The following RNFT1 variants were observed in gnomAD, a reference collection of about 807,000 sequenced individuals.
RNFT1 encodes the protein E3 ubiquitin-protein ligase RNFT1.
RNFT1 carries 35 observed loss-of-function variants against 53.2 expected under a neutral mutation model. The observed-to-expected ratio is 0.66, with a 90% CI of 0.50 to 0.87. The LOEUF (loss-of-function observed/expected upper bound fraction) is 0.87. Among genes scored for constraint, RNFT1 ranks in the 40% least tolerant of loss-of-function variants. RNFT1 has a pLI of 0.00. For missense variants in RNFT1, 421 were observed against 515.0 expected, an observed-to-expected ratio of 0.82 and a Z score of 1.77; for synonymous variants, 141 against 172.8, an observed-to-expected ratio of 0.82 and a Z score of 1.44.
Position 59,954,118 on chromosome 17 carries a change from T to C in RNFT1, c.1100A>G (p.Gln367Arg). 1 of 1,601,668 alleles carries C rather than the reference T, an allele frequency of 6.2e-7. No individual in the cohort carries two copies. The highest frequency in any genetic ancestry group is 1.1e-5 in the South Asian group (1 of 88,678). ...PSYGVAASKR[Q>R]CSDVDDICSI... ...ACAAATATCATCCACATCTGAACACTGTCTCTTGCTGGCAGCCACTCCATA... is the reference window on the plus strand; with the variant it reads ...ACAAATATCATCCACATCTGAACACCGTCTCTTGCTGGCAGCCACTCCATA... The change falls in exon 8 of 9, where the codon CAG becomes CGG. Residue 367 changes from glutamine to arginine, a missense_variant. By Grantham distance (43) the Gln-to-Arg change is conservative (BLOSUM62 1). Coordinates refer to ENST00000305783, the MANE Select transcript of RNFT1 (RefSeq NM_016125.4).
chr17:59,957,750 C>T (rs1169361861), intron 5 of RNFT1, among the ~76,000 whole-genome samples: 2 of 152,098 alleles, frequency 1.3e-5, no homozygotes, highest in Non-Finnish European at 2.9e-5. Flanking sequence ...GAGGCTGAGG[C>T]AGGAGAACTG....
chr17:59,964,713 G>A lies in RNFT1; in HGVS notation c.-50C>T, dbSNP rs370273345. 1.8e-3 allele frequency: 2,789 copies of A among 1,546,460 alleles called. 5 individuals are homozygous for A. The highest frequency in any genetic ancestry group is 3.6e-3 in the Middle Eastern group (21 of 5,900). ...GGGCCATCAACCGCAAACCCCGCAA[G>A]CTCTTCTCTCAGCCCGGCGGCAACG... On this transcript the variant is annotated 5_prime_UTR_variant, in exon 1 of 9. Coordinates refer to ENST00000305783, the MANE Select transcript of RNFT1 (RefSeq NM_016125.4).
At chr17:59,956,785 C>A (rs182836451) in intron 6 of RNFT1, among the ~76,000 whole-genome samples, 3 of 152,296 alleles carry the variant, frequency 2.0e-5, no homozygotes, top group African/African-American at 7.2e-5. Flanking sequence ...AAGACAAATA[C>A]AACTATGTCA....
At chr17:59,957,150 A>G (rs1418914074) in intron 6 of RNFT1, 74 bp downstream of exon 6, 1 of 1,399,244 alleles carries the variant, frequency 7.1e-7, no homozygotes, top group East Asian at 2.4e-5. Flanking sequence ...AACTGTTAAA[A>G]GAGGAAAACA....
intron 4 of RNFT1, 32 bp from the exon 5 acceptor site, chr17:59,958,476 A>G (rs758820786): frequency 6.2e-6 from 9 of 1,461,104 alleles, no homozygotes; most frequent in South Asian, 3.8e-5. Flanking sequence ...AATTTATCAG[A>G]GCAACATACA....
chr17:59,957,504 T>C (rs2045261604), intron 5 of RNFT1, 122 bp from the exon 6 acceptor site: 7 of 663,588 alleles, frequency 1.1e-5, no homozygotes, highest in Non-Finnish European at 1.6e-5. Context: ...AAAATTAATC[T>C]TCATAATGAT....
At chr17:59,958,142 C>G (rs1047865246) in intron 5 of RNFT1, 149 bp downstream of exon 5, 4 of 710,700 alleles carry the variant, frequency 5.6e-6, no homozygotes, top group Non-Finnish European at 9.0e-6. Flanking sequence ...AGTGCCTGAA[C>G]AAATGGTTGC....
At chr17:59,953,376 T>A (rs1389023062) in intron 8 of RNFT1, among the ~76,000 whole-genome samples, 3 of 152,042 alleles carry the variant, frequency 2.0e-5, no homozygotes, top group Non-Finnish European at 4.4e-5. Flanking sequence ...AGTTTTTTTA[T>A]TTTTAGTAGA....
chr17:59,956,307 T>C (rs2045253882), intron 7 of RNFT1, among the ~76,000 whole-genome samples, 181 bp downstream of exon 7: 1 of 152,172 alleles, frequency 6.6e-6, no homozygotes, highest in African/African-American at 2.4e-5. Context: ...AAGAATCTGA[T>C]CACAGAGATA....
intron 1 of RNFT1, among the ~76,000 whole-genome samples, 175 bp from the exon 2 acceptor site, chr17:59,963,459 C>T (rs749518496): frequency 1.3e-5 from 2 of 151,944 alleles, no homozygotes; most frequent in Non-Finnish European, 2.9e-5. Flanking sequence ...GGCTCTGCTG[C>T]CCTACACAAA....
chr17:59,956,168 G>C (rs187052946), intron 7 of RNFT1, among the ~76,000 whole-genome samples: 1 of 152,058 alleles, frequency 6.6e-6, no homozygotes, highest in Admixed American at 6.5e-5. Context: ...TAAAAAAGAG[G>C]AACACAATTT....
intron 6 of RNFT1, 56 bp downstream of exon 6, chr17:59,957,168 G>T: frequency 6.6e-7 from 1 of 1,510,518 alleles, no homozygotes; most frequent in Non-Finnish European, 9.1e-7. Flanking sequence ...ACAGTAGTAT[G>T]TATCAGTAAT....
chr17:59,958,337 C>G lies in RNFT1; in HGVS notation c.800G>C (p.Cys267Ser), dbSNP rs1255393635. Residue 267 changes from cysteine to serine, a missense_variant, in exon 5 of 9, where the codon TGC becomes TCC. Coordinates refer to ENST00000305783, the MANE Select transcript of RNFT1 (RefSeq NM_016125.4). ...ILKFFFMGLK[C>S]LILLVPSFIM... ...GAAAGAAGGCACCAATAAAATAAGGCATTTTAAGCCCATGAAAAAGAATTT... is the reference window on the plus strand; with the variant it reads ...GAAAGAAGGCACCAATAAAATAAGGGATTTTAAGCCCATGAAAAAGAATTT... The G allele has an allele frequency of 6.3e-7, 1 of 1,599,174 alleles. No individual in the cohort carries two copies. The highest frequency in any genetic ancestry group is 1.4e-5 in the African/African-American group (1 of 73,884).
intron 4 of RNFT1, chr17:59,959,738 C>T (rs1015114461): frequency 3.8e-5 from 6 of 157,416 alleles, no homozygotes; most frequent in Non-Finnish European, 7.0e-5. Context: ...GGTGAAACTC[C>T]GTCTCTATTA....
chr17:59,959,731 G>A, intron 4 of RNFT1: 1 of 157,192 alleles, frequency 6.4e-6, no homozygotes, highest in Non-Finnish European at 1.4e-5. Context: ...CCAACATGGT[G>A]AAACTCCGTC....
chr17:59,958,673 C>A (rs552984486), intron 4 of RNFT1: 1 of 573,154 alleles, frequency 1.7e-6, no homozygotes, highest in East Asian at 4.0e-5. Context: ...AAAGTCTTCA[C>A]GGTTTGTCAT....
chr17:59,959,175 T>C (rs1390434665), intron 4 of RNFT1, among the ~76,000 whole-genome samples: 1 of 152,128 alleles, frequency 6.6e-6, no homozygotes, highest in Non-Finnish European at 1.5e-5. Context: ...AAAACAAAAT[T>C]ATTGATTTTT....
chr17:59,956,589 AAC>A, intron 6 of RNFT1, 36 bp from the exon 7 acceptor site: 1 of 1,549,354 alleles, frequency 6.5e-7, no homozygotes, highest in Non-Finnish European at 8.9e-7. Context: ...TATTAATTCA[AAC>A]AGTCCTATTT....
At position 59,952,880 on chromosome 17, in the gene RNFT1, T is replaced by G. The variant is rs2045229830; in HGVS notation, c.*97A>C. ...TACATTCTAAAACCATCTGGAAACATTTTTCTGGTAGCCCTGAAAATCCAT... is the reference window on the plus strand; with the variant it reads ...TACATTCTAAAACCATCTGGAAACAGTTTTCTGGTAGCCCTGAAAATCCAT... On this transcript the variant is annotated 3_prime_UTR_variant, in exon 9 of 9. Transcript: ENST00000305783. 1.7e-6 allele frequency: 2 copies of G among 1,189,860 alleles called. No individual in the cohort carries two copies. Among genetic ancestry groups the G allele is most frequent in the East Asian group, 4.8e-5 (2 of 41,774 alleles). The allele number at this position is 1,189,860 out of a possible 1,614,324, so 73.7% of individuals were successfully genotyped here. A position where few individuals can be genotyped will look rare whatever the true frequency, so the allele number is the denominator to read the frequency against.
Sources: allele counts gnomAD v4.1 joint callset (sites outside exome capture counted in the v4.1 genomes callset), GRCh38; gene constraint gnomAD v4.1.1; transcripts MANE v1.5; gene names NCBI Gene and HGNC (gene_info 2026-07-23, HGNC 2026-07-21).